Variants in NAV3 observed in about 807,000 individuals in gnomAD.
NAV3 encodes pore membrane and/or filament interacting like protein 1.
In NAV3, 87 loss-of-function variants were observed where a neutral mutation model predicts 244.7. That is an observed-to-expected ratio of 0.36 (90% CI 0.30 to 0.42). The LOEUF (loss-of-function observed/expected upper bound fraction) is 0.42. Ranked by LOEUF, NAV3 falls within the 20% of genes least tolerant of loss-of-function variation. The probability of loss-of-function intolerance (pLI) is 1.00; values close to 1 mark genes in which losing one functional copy is unlikely to be tolerated. For synonymous variants in NAV3, 1,126 were observed against 1,042.2 expected (o/e 1.08, Z -1.55); for missense variants, 2,663 against 2,893.3 (o/e 0.92, Z 1.83).
At chr12:77,646,230 C>T (rs1019494571) in intron 2 of NAV3, among the ~76,000 whole-genome samples, 3 of 152,054 alleles carry the variant, frequency 2.0e-5, no homozygotes, top group African/African-American at 7.2e-5. Context: ...GAATTGGTCA[C>T]TAATTAAAAG....
At chr12:77,850,969 G>A (rs1449971864) in intron 1 of NAV3, among the ~76,000 whole-genome samples, 1 of 152,154 alleles carries the variant, frequency 6.6e-6, no homozygotes, top group Non-Finnish European at 1.5e-5. Context: ...AGTCCTCAGA[G>A]CATTCCTGCA....
intron 2 of NAV3, among the ~76,000 whole-genome samples, chr12:77,780,504 C>G (rs1870610521): frequency 6.6e-6 from 1 of 152,094 alleles, no homozygotes; most frequent in African/African-American, 2.4e-5. Flanking sequence ...TAGATTGTTT[C>G]AACCCCACTG....
chr12:77,843,321 A>G lies in NAV3; in HGVS notation c.243+11617A>G, dbSNP rs78735656. Among the ~76,000 whole-genome samples, 1,304 of 152,198 alleles carry G rather than the reference A, an allele frequency of 8.6e-3. 20 individuals carry two copies. Among genetic ancestry groups the G allele is most frequent in the African/African-American group, 0.03 (1,235 of 41,532 alleles). On this transcript the variant is annotated intron_variant, in intron 1 of 39. Transcript: ENST00000397909. Reference sequence around the variant, plus strand: ...ACAAAAAAAAAGACTATTTCGGTAAATGTAAACCCTTTCAGTTACCACTTC... The same window carrying G: ...ACAAAAAAAAAGACTATTTCGGTAAGTGTAAACCCTTTCAGTTACCACTTC...
At chr12:77,714,169 A>T (rs1876251490) in intron 2 of NAV3, among the ~76,000 whole-genome samples, 1 of 152,024 alleles carries the variant, frequency 6.6e-6, no homozygotes, top group South Asian at 2.1e-4. Context: ...TCTTCCTCAG[A>T]GGTTGGGGAT....
chr12:77,751,649 C>T (rs2135801527), intron 2 of NAV3, among the ~76,000 whole-genome samples: 1 of 152,302 alleles, frequency 6.6e-6, no homozygotes, highest in South Asian at 2.1e-4. Context: ...ATCAATTAAA[C>T]CTCTTTCCTT....
intron 2 of NAV3, among the ~76,000 whole-genome samples, chr12:77,769,297 C>G (rs1227024052): frequency 6.6e-6 from 1 of 152,200 alleles, no homozygotes; most frequent in Non-Finnish European, 1.5e-5. Context: ...CCAAATATGA[C>G]TTCCAACCTT....
intron 1 of NAV3, among the ~76,000 whole-genome samples, chr12:77,873,083 C>T (rs190358901): frequency 5.3e-5 from 8 of 152,292 alleles, no homozygotes; most frequent in Admixed American, 2.0e-4. Context: ...TCCCAACACA[C>T]ATGCTCTTGG....
intron 34 of NAV3, among the ~76,000 whole-genome samples, chr12:78,194,563 C>A (rs1387726257): frequency 6.6e-6 from 1 of 152,034 alleles, no homozygotes; most frequent in East Asian, 1.9e-4. Context: ...ATTCTCTTGG[C>A]TGGTCTTGCT....
chr12:78,024,233 A>G (rs1311740102), intron 9 of NAV3, among the ~76,000 whole-genome samples: 2 of 152,232 alleles, frequency 1.3e-5, no homozygotes, highest in East Asian at 3.9e-4. Flanking sequence ...TCTCTCACTT[A>G]ATTGTACTCA....
intron 2 of NAV3, among the ~76,000 whole-genome samples, chr12:77,710,924 TTTTAAAGTTA>T (rs1374808862): frequency 6.6e-6 from 1 of 152,212 alleles, no homozygotes; most frequent in East Asian, 1.9e-4. Flanking sequence ...GTTTTACAAA[TTTTAAAGTTA>T]TTTAATTTTT....
At chr12:77,858,630 T>C (rs1878753124) in intron 1 of NAV3, among the ~76,000 whole-genome samples, 1 of 152,042 alleles carries the variant, frequency 6.6e-6, no homozygotes, top group South Asian at 2.1e-4. Flanking sequence ...CTTCCAGAAC[T>C]AGGGGAGCCT....
intron 1 of NAV3, among the ~76,000 whole-genome samples, chr12:77,863,874 G>T (rs1338212238): frequency 6.6e-6 from 1 of 151,790 alleles, no homozygotes; most frequent in Non-Finnish European, 1.5e-5. Flanking sequence ...TTCATTCTTT[G>T]TTTTTATAAT....
At chr12:78,097,054 A>G (rs1954289988) in intron 12 of NAV3, among the ~76,000 whole-genome samples, 1 of 152,230 alleles carries the variant, frequency 6.6e-6, no homozygotes, top group South Asian at 2.1e-4. Context: ...ATGTTACTAA[A>G]CAAAGCTCAG....
At chr12:77,656,024 C>T (rs566011883) in intron 2 of NAV3, among the ~76,000 whole-genome samples, 329 of 149,786 alleles carry the variant, frequency 2.2e-3, no homozygotes, top group Middle Eastern at 0.011. Context: ...TAAAGACCAT[C>T]GAGACTAGGA....
chr12:77,635,577 A>G (rs1052254105), intron 2 of NAV3, among the ~76,000 whole-genome samples: 3 of 152,346 alleles, frequency 2.0e-5, no homozygotes, highest in African/African-American at 2.4e-5. Context: ...TTAAGTCTTC[A>G]TAACAATGAG....
intron 1 of NAV3, among the ~76,000 whole-genome samples, chr12:77,899,782 C>T (rs1243037210): frequency 1.3e-5 from 2 of 152,128 alleles, no homozygotes; most frequent in Non-Finnish European, 1.5e-5. Flanking sequence ...AAAAATAAAG[C>T]GTTAATTCAC....
At chr12:77,987,715 A>G (rs935006784) in intron 5 of NAV3, among the ~76,000 whole-genome samples, 16 of 152,206 alleles carry the variant, frequency 1.1e-4, no homozygotes, top group African/African-American at 3.9e-4. Context: ...TTTAGGAGAC[A>G]GATACTTAAC....
intron 2 of NAV3, among the ~76,000 whole-genome samples, chr12:77,581,854 A>G (rs1463178940): frequency 2.0e-5 from 3 of 152,210 alleles, no homozygotes; most frequent in Non-Finnish European, 2.9e-5. Context: ...GCTCTGTGGT[A>G]GGTAATAGTA....
chr12:77,655,582 T>A (rs1276435886), intron 2 of NAV3, among the ~76,000 whole-genome samples: 2 of 151,930 alleles, frequency 1.3e-5, no homozygotes, highest in African/African-American at 2.4e-5. Context: ...CAGGCCAACA[T>A]TCAGATTCAG....
Sources: gnomAD v4.1 joint callset for allele counts (sites outside exome capture counted in the v4.1 genomes callset) on GRCh38, gnomAD v4.1.1 for gene constraint, MANE v1.5 for transcripts, NCBI Gene and HGNC (gene_info 2026-07-23, HGNC 2026-07-21) for gene names.